Variants in CDK6 observed in about 807,000 individuals in gnomAD.
The protein encoded by CDK6 is cyclin dependent kinase 6.
A neutral mutation model predicts 37.1 loss-of-function variants in CDK6; 6 were observed. That is an observed-to-expected ratio of 0.16 (90% CI 0.09 to 0.32). CDK6 has a LOEUF of 0.32. Ranked by LOEUF, CDK6 falls within the 10% of genes least tolerant of loss-of-function variation. The pLI is 1.00. For missense variants in CDK6, 224 were observed against 418.9 expected (o/e 0.53, Z 4.06); for synonymous variants, 160 against 161.3 (o/e 0.99, Z 0.06).
intron 5 of CDK6, among the ~76,000 whole-genome samples, chr7:92,659,112 A>T (rs1315553222): frequency 6.6e-6 from 1 of 152,232 alleles, no homozygotes; most frequent in Admixed American, 6.5e-5. Flanking sequence ...TGAGACTTCA[A>T]TGAGAAGGGC....
At chr7:92,799,327 G>A (rs1366738123) in intron 2 of CDK6, among the ~76,000 whole-genome samples, 2 of 152,000 alleles carry the variant, frequency 1.3e-5, no homozygotes, top group African/African-American at 2.4e-5. Context: ...CCTCTTGGAC[G>A]CACCTCAGAT....
intron 2 of CDK6, among the ~76,000 whole-genome samples, chr7:92,789,116 ACT>A (rs1311878476): frequency 1.3e-5 from 2 of 152,116 alleles, no homozygotes; most frequent in African/African-American, 4.8e-5. Context: ...TAAGAGTGAC[ACT>A]CTGTTTCTAA....
intron 4 of CDK6, among the ~76,000 whole-genome samples, chr7:92,719,561 TAGTG>T (rs899745063): frequency 3.3e-5 from 5 of 152,210 alleles, no homozygotes; most frequent in Non-Finnish European, 7.3e-5. Flanking sequence ...ATAATTCACT[TAGTG>T]AGAATTTTAT....
At chr7:92,813,389 A>G (rs1471344562) in intron 2 of CDK6, among the ~76,000 whole-genome samples, 1 of 152,202 alleles carries the variant, frequency 6.6e-6, no homozygotes, top group Non-Finnish European at 1.5e-5. Flanking sequence ...TTTGTTCCCT[A>G]ACTGGTCCCC....
intron 3 of CDK6, among the ~76,000 whole-genome samples, chr7:92,758,685 G>C (rs565569737): frequency 6.6e-6 from 1 of 152,284 alleles, no homozygotes; most frequent in African/African-American, 2.4e-5. Flanking sequence ...GTCTTTGGTA[G>C]TTTAATAGGA....
intron 3 of CDK6, among the ~76,000 whole-genome samples, chr7:92,767,845 C>G (rs1172456970): frequency 6.6e-6 from 1 of 152,014 alleles, no homozygotes; most frequent in Admixed American, 6.6e-5. Flanking sequence ...ATATTAAAAG[C>G]TCGTCTTCCA....
chr7:92,661,244 C>G (rs983663832), intron 5 of CDK6, among the ~76,000 whole-genome samples: 1 of 152,180 alleles, frequency 6.6e-6, no homozygotes, highest in Non-Finnish European at 1.5e-5. Context: ...AAAGCCTCTT[C>G]TTGGGCCTCA....
At chr7:92,648,123 G>A (rs918484622) in intron 5 of CDK6, among the ~76,000 whole-genome samples, 4 of 152,068 alleles carry the variant, frequency 2.6e-5, no homozygotes, top group African/African-American at 9.7e-5. Context: ...AAGTGTGTTC[G>A]TGCGTGCTTG....
At chr7:92,703,934 C>A (rs1178197824) in intron 4 of CDK6, among the ~76,000 whole-genome samples, 1 of 152,126 alleles carries the variant, frequency 6.6e-6, no homozygotes, top group East Asian at 1.9e-4. Flanking sequence ...TGATCTCAGC[C>A]CTGACCTCTC....
At chr7:92,744,377 A>G (rs1195497479) in intron 3 of CDK6, among the ~76,000 whole-genome samples, 1 of 152,152 alleles carries the variant, frequency 6.6e-6, no homozygotes, top group Non-Finnish European at 1.5e-5. Flanking sequence ...ATCTCGTGAG[A>G]CTTACTCATT....
intron 4 of CDK6, among the ~76,000 whole-genome samples, chr7:92,711,848 G>A (rs1289600680): frequency 6.6e-6 from 1 of 151,252 alleles, no homozygotes; most frequent in Non-Finnish European, 1.5e-5. Context: ...AATTACATGC[G>A]TTAACCACCA....
chr7:92,830,281 C>A (rs1179669117), intron 2 of CDK6, among the ~76,000 whole-genome samples: 6 of 152,178 alleles, frequency 3.9e-5, no homozygotes, highest in African/African-American at 1.2e-4. Context: ...AGTACCAGTG[C>A]CAGCAATAAC....
chr7:92,756,326 G>T (rs772297573), intron 3 of CDK6, among the ~76,000 whole-genome samples: 1 of 152,176 alleles, frequency 6.6e-6, no homozygotes, highest in Admixed American at 6.5e-5. Context: ...TTTCAAAAAG[G>T]CACAACAAAC....
intron 5 of CDK6, among the ~76,000 whole-genome samples, chr7:92,632,116 G>A (rs1053524236): frequency 6.6e-6 from 1 of 152,038 alleles, no homozygotes; most frequent in African/African-American, 2.4e-5. Flanking sequence ...TGTTGTGGGT[G>A]TGTCTTTGAG....
At chr7:92,822,657 C>A (rs1043887014) in intron 2 of CDK6, among the ~76,000 whole-genome samples, 4 of 152,224 alleles carry the variant, frequency 2.6e-5, no homozygotes, top group African/African-American at 9.6e-5. Context: ...AACATTAATT[C>A]ATACAACTAT....
chr7:92,672,738 C>CT (rs1797119865), intron 4 of CDK6, among the ~76,000 whole-genome samples: 1 of 152,012 alleles, frequency 6.6e-6, no homozygotes, highest in African/African-American at 2.4e-5. Flanking sequence ...ATTCAGATCC[C>CT]TTTTATCCTT....
chr7:92,832,167 G>C (rs1162930291), intron 2 of CDK6, among the ~76,000 whole-genome samples: 4 of 152,132 alleles, frequency 2.6e-5, no homozygotes, highest in Non-Finnish European at 4.4e-5. Context: ...AAAAGAAAAG[G>C]ATGACACAAC....
chr7:92,800,501 T>A (rs1800542756), intron 2 of CDK6, among the ~76,000 whole-genome samples: 1 of 152,234 alleles, frequency 6.6e-6, no homozygotes, highest in Non-Finnish European at 1.5e-5. Context: ...ACGATAGCTT[T>A]ATTCTTTGTA....
At chr7:92,751,734 T>C (rs558063001) in intron 3 of CDK6, among the ~76,000 whole-genome samples, 2 of 152,144 alleles carry the variant, frequency 1.3e-5, no homozygotes, top group Non-Finnish European at 2.9e-5. Flanking sequence ...AACAATATAT[T>C]TTATGAATGG....
Sources: gnomAD v4.1 joint callset for allele counts (sites outside exome capture counted in the v4.1 genomes callset) on GRCh38, gnomAD v4.1.1 for gene constraint, MANE v1.5 for transcripts, NCBI Gene and HGNC (gene_info 2026-07-23, HGNC 2026-07-21) for gene names.